SCFD2: variants seen among roughly 807,000 people sequenced by gnomAD.
SCFD2 encodes sec1 family domain-containing protein 2.
Under a neutral mutation model 58.9 loss-of-function variants are expected in SCFD2, and 54 were observed. The observed-to-expected ratio is 0.92, with a 90% confidence interval of 0.74 to 1.15. The LOEUF is 1.15. Among genes scored for constraint, SCFD2 ranks in the 50% most tolerant of loss-of-function variants. SCFD2 has a pLI of 0.00. For synonymous variants in SCFD2, 321 were observed against 335.9 expected (o/e 0.96, Z 0.49); for missense variants, 805 against 836.6 (o/e 0.96, Z 0.47).
chr4:53,355,952 A>C (rs535024121), intron 1 of SCFD2, among the ~76,000 whole-genome samples: 1 of 152,238 alleles, frequency 6.6e-6, no homozygotes, highest in South Asian at 2.1e-4. Context: ...ATTAATCTCA[A>C]CTGTTTCTAT....
chr4:53,105,505 G>T (rs1181937519), intron 5 of SCFD2, among the ~76,000 whole-genome samples: 1 of 152,156 alleles, frequency 6.6e-6, no homozygotes, highest in African/African-American at 2.4e-5. Flanking sequence ...GTCGGGGGAG[G>T]GGTGTTTACC....
intron 5 of SCFD2, among the ~76,000 whole-genome samples, chr4:53,109,713 T>G (rs1725113934): frequency 6.6e-6 from 1 of 152,004 alleles, no homozygotes; most frequent in African/African-American, 2.4e-5. Flanking sequence ...CTCAAGGAAA[T>G]AAGAGAGGAC....
intron 5 of SCFD2, among the ~76,000 whole-genome samples, chr4:53,033,314 A>G (rs1203697808): frequency 6.6e-6 from 1 of 152,214 alleles, no homozygotes; most frequent in Admixed American, 6.5e-5. Context: ...GACACATTTA[A>G]AGCAATGTGT....
intron 4 of SCFD2, among the ~76,000 whole-genome samples, chr4:53,208,008 G>A (rs189420271): frequency 6.7e-6 from 1 of 150,170 alleles, no homozygotes; most frequent in African/African-American, 2.5e-5. Context: ...CTAGGCTGGA[G>A]TACAGTAGCA....
chr4:52,890,390 T>C (rs1159775012), intron 7 of SCFD2, among the ~76,000 whole-genome samples: 1 of 152,176 alleles, frequency 6.6e-6, no homozygotes, highest in Non-Finnish European at 1.5e-5. Flanking sequence ...TTAATGCATG[T>C]TGGTGTTTGC....
intron 5 of SCFD2, among the ~76,000 whole-genome samples, chr4:53,068,149 G>T (rs1723715321): frequency 6.6e-6 from 1 of 151,958 alleles, no homozygotes; most frequent in East Asian, 1.9e-4. Context: ...AAAATGTAAA[G>T]GGTCTTTCAA....
chr4:53,273,997 T>C lies in SCFD2; in HGVS notation c.1140A>G (p.Arg380=). ...AGGACATGAGCTGTCCCGGTGTGAC[T>C]CTCCCTGGAAACATAAGAATTTATC... The part of the protein sequence containing the change: ...ENLPIKMSMG[R]VTPGQLMSYI... The change falls in exon 4 of 9, where the codon AGA becomes AGG. Residue 380 remains arginine, a synonymous_variant. Coordinates refer to ENST00000401642, the MANE Select transcript of SCFD2 (RefSeq NM_152540.4). The C allele has an allele frequency of 1.2e-6, 2 of 1,607,320 alleles. No homozygotes were observed. Among genetic ancestry groups the C allele is most frequent in the Non-Finnish European group, 8.5e-7 (1 of 1,177,032 alleles).
At chr4:53,250,562 A>G (rs1364079221) in intron 4 of SCFD2, among the ~76,000 whole-genome samples, 1 of 152,236 alleles carries the variant, frequency 6.6e-6, no homozygotes, top group Non-Finnish European at 1.5e-5. Flanking sequence ...CCACAGTGAA[A>G]TCAAACTAGA....
intron 4 of SCFD2, among the ~76,000 whole-genome samples, chr4:53,270,213 A>T (rs1013538741): frequency 3.3e-5 from 5 of 152,170 alleles, no homozygotes; most frequent in Admixed American, 2.0e-4. Flanking sequence ...ATTTAGCATT[A>T]AAAAAGTTAT....
intron 5 of SCFD2, among the ~76,000 whole-genome samples, chr4:52,958,798 C>T (rs1021054968): frequency 6.6e-6 from 1 of 152,132 alleles, no homozygotes; most frequent in African/African-American, 2.4e-5. Context: ...GGCTCTTACA[C>T]TTTTTGGAAA....
intron 3 of SCFD2, among the ~76,000 whole-genome samples, chr4:53,278,378 A>G (rs1478044039): frequency 6.6e-6 from 1 of 151,694 alleles, no homozygotes; most frequent in Non-Finnish European, 1.5e-5. Flanking sequence ...AAAAAAGAAA[A>G]AAGAAAGAGA....
intron 6 of SCFD2, among the ~76,000 whole-genome samples, chr4:52,909,126 A>G (rs771833840): frequency 4.6e-5 from 7 of 152,220 alleles, no homozygotes; most frequent in Non-Finnish European, 8.8e-5. Flanking sequence ...GTTAATTGTT[A>G]CCATCAATGC....
At chr4:53,135,339 T>C (rs1477703836) in intron 5 of SCFD2, among the ~76,000 whole-genome samples, 1 of 152,212 alleles carries the variant, frequency 6.6e-6, no homozygotes, top group East Asian at 1.9e-4. Context: ...TTTTGGAAAA[T>C]AAACCAATTT....
chr4:53,172,339 C>T (rs1425258248), intron 4 of SCFD2, among the ~76,000 whole-genome samples: 1 of 152,078 alleles, frequency 6.6e-6, no homozygotes, highest in African/African-American at 2.4e-5. Flanking sequence ...GTCTCTATTC[C>T]ATTTATTTAT....
intron 5 of SCFD2, among the ~76,000 whole-genome samples, chr4:53,143,929 C>T (rs186391028): frequency 6.6e-4 from 101 of 152,028 alleles, no homozygotes; most frequent in Admixed American, 4.0e-3. Flanking sequence ...TCAATCCATA[C>T]GCATGGAAAT....
At chr4:53,208,990 G>T (rs1314295164) in intron 4 of SCFD2, among the ~76,000 whole-genome samples, 1 of 152,086 alleles carries the variant, frequency 6.6e-6, no homozygotes, top group African/African-American at 2.4e-5. Context: ...CTGCTCCTGT[G>T]CACAGACTTA....
At chr4:53,355,091 C>G (rs902730608) in intron 1 of SCFD2, among the ~76,000 whole-genome samples, 13 of 152,186 alleles carry the variant, frequency 8.5e-5, no homozygotes, top group Admixed American at 8.5e-4. Flanking sequence ...TATCATAAGG[C>G]ATGTAACATC....
chr4:52,997,629 C>A (rs868620437), intron 5 of SCFD2, among the ~76,000 whole-genome samples: 3 of 152,164 alleles, frequency 2.0e-5, no homozygotes. Context: ...ATCAAAAAGG[C>A]CAACCTCAGG....
intron 4 of SCFD2, among the ~76,000 whole-genome samples, chr4:53,205,296 C>T (rs1240986990): frequency 1.3e-5 from 2 of 151,988 alleles, no homozygotes; most frequent in Admixed American, 6.6e-5. Context: ...CTCTGTACCA[C>T]CTTTTTTTAC....
Sources: allele counts gnomAD v4.1 joint callset (sites outside exome capture counted in the v4.1 genomes callset), GRCh38; gene constraint gnomAD v4.1.1; transcripts MANE v1.5; gene names NCBI Gene and HGNC (gene_info 2026-07-23, HGNC 2026-07-21).